The following SRRM1 variants were observed in gnomAD, a reference collection of about 807,000 sequenced individuals.
The protein encoded by SRRM1 is serine/arginine repetitive matrix protein 1.
SRRM1 carries 19 observed loss-of-function variants against 110.2 expected under a neutral mutation model. That is an observed-to-expected ratio of 0.17 (90% CI 0.12 to 0.25). The LOEUF is 0.25. Among genes scored for constraint, SRRM1 ranks in the 10% least tolerant of loss-of-function variants. SRRM1 has a pLI of 1.00. For missense variants in SRRM1, 918 were observed against 1,145.8 expected (o/e 0.80, Z 2.87); for synonymous variants, 443 against 414.9 (o/e 1.07, Z -0.82).
chr1:24,644,757 C>G (rs1461267443), intron 1 of SRRM1, among the ~76,000 whole-genome samples: 1 of 152,222 alleles, frequency 6.6e-6, no homozygotes, highest in East Asian at 1.9e-4. Context: ...AGTAAATATT[C>G]AATATTTTCT....
rs61729115 is a variant in SRRM1 at position 24,655,048 on chromosome 1, C to T, written c.1234C>T (p.Arg412Trp). 5.6e-6 allele frequency: 9 copies of T among 1,614,058 alleles called. No homozygotes were observed. The highest frequency in any genetic ancestry group is 3.3e-5 in the Admixed American group (2 of 60,002). ...TCCTGCAACTCCACCACCCAAAACT[C>T]GGCATTCCCCTACACCCCAGCAGTC... ...SPPATPPPKT[R>W]HSPTPQQSNR... The change falls in exon 9 of 17, where the codon CGG becomes TGG. Residue 412 changes from arginine to tryptophan, a missense_variant. Arg to Trp is a moderately radical substitution (Grantham distance 101). Coordinates refer to ENST00000323848, the MANE Select transcript of SRRM1 (RefSeq NM_005839.4).
chr1:24,665,445 G>A (rs1306777608), intron 12 of SRRM1, among the ~76,000 whole-genome samples: 1 of 149,654 alleles, frequency 6.7e-6, no homozygotes, highest in Admixed American at 6.7e-5. Flanking sequence ...AAAAAAAAGA[G>A]GCTCACGCCT....
At chr1:24,663,371 ATT>A in intron 12 of SRRM1, 1 of 512,418 alleles carries the variant, frequency 2.0e-6, no homozygotes, top group Non-Finnish European at 3.4e-6. Flanking sequence ...TGGTTTGAGT[ATT>A]TTTTTTAACA....
intron 15 of SRRM1, among the ~76,000 whole-genome samples, chr1:24,670,924 C>A (rs1374689346): frequency 6.6e-6 from 1 of 152,182 alleles, no homozygotes; most frequent in Admixed American, 6.5e-5. Flanking sequence ...CAGTCATCCC[C>A]ACTCTAAAGA....
At chr1:24,659,686 C>T (rs559905867) in intron 9 of SRRM1, among the ~76,000 whole-genome samples, 1 of 152,160 alleles carries the variant, frequency 6.6e-6, no homozygotes, top group African/African-American at 2.4e-5. Context: ...GAAGTTGCTT[C>T]TTTTTAAGCC....
chr1:24,652,047 T>A (rs1050348732), intron 6 of SRRM1, among the ~76,000 whole-genome samples: 2 of 132,222 alleles, frequency 1.5e-5, no homozygotes, highest in African/African-American at 5.5e-5. Context: ...TATATATATA[T>A]ATATATATAT....
At chr1:24,648,702 G>A in intron 3 of SRRM1, 157 bp from the exon 4 acceptor site, 1 of 599,476 alleles carries the variant, frequency 1.7e-6, no homozygotes, top group East Asian at 2.8e-5. Flanking sequence ...GAAGCTACTA[G>A]GGAAGACTAT....
At chr1:24,651,770 T>G (rs2148334295) in intron 6 of SRRM1, among the ~76,000 whole-genome samples, 158 bp downstream of exon 6, 1 of 152,084 alleles carries the variant, frequency 6.6e-6, no homozygotes, top group African/African-American at 2.4e-5. Flanking sequence ...GGAGAGTATA[T>G]TAGAAGAAAA....
intron 13 of SRRM1, 36 bp from the exon 14 acceptor site, chr1:24,669,087 T>G (rs1557743250): frequency 6.4e-7 from 1 of 1,566,480 alleles, no homozygotes; most frequent in Non-Finnish European, 8.7e-7. Flanking sequence ...TGTATTTTGT[T>G]GAGCCTTTCA....
At chr1:24,646,122 G>T in intron 2 of SRRM1, 49 bp downstream of exon 2, 1 of 1,423,030 alleles carries the variant, frequency 7.0e-7, no homozygotes, top group South Asian at 1.2e-5. Context: ...ACACTTACTT[G>T]ACTCAAGTTC....
Position 24,670,182 on chromosome 1 carries a change from C to T in SRRM1, c.2267C>T (p.Ser756Phe). Residue 756 changes from serine (S) to phenylalanine (F), a missense_variant, in exon 15 of 17, where the codon TCT (serine) becomes TTT (phenylalanine). By Grantham distance (155) the Ser-to-Phe change is radical. Coordinates refer to ENST00000323848, the MANE Select transcript of SRRM1 (RefSeq NM_005839.4). ...RVSSSRSVSG[S>F]PEPAAKKPPA... ...TCATCCTCCCGATCTGTCTCCGGGT[C>T]TCCTGAGCCAGCAGCTAAAAAGCCC... 5.0e-6 allele frequency: 8 copies of T among 1,614,030 alleles called. No individual in the cohort carries two copies. Among genetic ancestry groups the T allele is most frequent in the Non-Finnish European group, 6.8e-6 (8 of 1,180,000 alleles).
chr1:24,671,026 A>C (rs949116856), intron 15 of SRRM1, among the ~76,000 whole-genome samples: 1 of 151,918 alleles, frequency 6.6e-6, no homozygotes, highest in Non-Finnish European at 1.5e-5. Context: ...AGTCTGCTAC[A>C]TGTTAGGCAA....
rs945049437 is a variant in SRRM1 at position 24,670,293 on chromosome 1, C to T, written c.2378C>T (p.Thr793Ile). 5.6e-6 allele frequency: 9 copies of T among 1,612,772 alleles called. No individual in the cohort carries two copies. Among genetic ancestry groups the T allele is most frequent in the Non-Finnish European group, 7.6e-6 (9 of 1,179,648 alleles). ...AVPVKKAKSP[T>I]PSPSPPRNSD... ...CCGGTCAAAAAGGCCAAAAGCCCAA[C>T]ACCGAGCCCATCACCGCCAAGAGTA... Residue 793 changes from threonine to isoleucine, a missense_variant, in exon 15 of 17, where the codon ACA becomes ATA. This residue lies in a region of SRRM1 where 357 missense variants were observed against 402.9 expected (regional missense o/e 0.89). Coordinates refer to ENST00000323848, the MANE Select transcript of SRRM1 (RefSeq NM_005839.4).
chr1:24,643,895 G>A (rs1655530408), intron 1 of SRRM1, among the ~76,000 whole-genome samples: 1 of 152,200 alleles, frequency 6.6e-6, no homozygotes, highest in African/African-American at 2.4e-5. Flanking sequence ...CTTCGTGGAG[G>A]CGCCAGGTCA....
At chr1:24,670,960 G>C (rs1440964812) in intron 15 of SRRM1, among the ~76,000 whole-genome samples, 1 of 152,226 alleles carries the variant, frequency 6.6e-6, no homozygotes, top group African/African-American at 2.4e-5. Flanking sequence ...GGTAGCTAGA[G>C]ACATGGCATT....
intron 12 of SRRM1, 173 bp downstream of exon 12, chr1:24,662,977 TTAA>T: frequency 9.9e-7 from 1 of 1,008,732 alleles, no homozygotes; most frequent in Non-Finnish European, 1.4e-6. Context: ...TTGGTGGTTA[TTAA>T]TAATTAATTT....
chr1:24,663,052 A>C, intron 12 of SRRM1: 1 of 998,552 alleles, frequency 1.0e-6, no homozygotes, highest in Non-Finnish European at 1.4e-6. Context: ...AAATAAACCA[A>C]ACTATTATAG....
chr1:24,659,629 C>A (rs574185645), intron 9 of SRRM1, among the ~76,000 whole-genome samples: 1 of 152,186 alleles, frequency 6.6e-6, no homozygotes, highest in Non-Finnish European at 1.5e-5. Context: ...AAAATAGATT[C>A]TTGGATTCAC....
chr1:24,652,566 C>T lies in SRRM1; in HGVS notation c.858C>T (p.Ser286=). 1 of 1,613,738 alleles carries T rather than the reference C, an allele frequency of 6.2e-7. No homozygotes were observed. Among genetic ancestry groups the T allele is most frequent in the Non-Finnish European group, 8.5e-7 (1 of 1,179,918 alleles). The change falls in exon 7 of 17, where the codon TCC becomes TCT. Residue 286 remains serine (S), a synonymous_variant. Coordinates refer to ENST00000323848, the MANE Select transcript of SRRM1 (RefSeq NM_005839.4). ...PRSRSRSKSR[S]RTRSRSPSHT... The stretch of plus-strand genomic sequence containing the variant: ...CTCGGTCACGCTCCAAATCAAGATC[C>T]CGGACGCGGTCCCGCTCTCCTTCTC...
Sources: gnomAD v4.1 joint callset for allele counts (sites outside exome capture counted in the v4.1 genomes callset) on GRCh38, gnomAD v4.1.1 for gene constraint, gnomAD v4.1.1 regional missense constraint, MANE v1.5 for transcripts, NCBI Gene and HGNC (gene_info 2026-07-23, HGNC 2026-07-21) for gene names.